Variants in CMPK1 observed in about 807,000 individuals in gnomAD.
CMPK1 encodes the protein UMP-CMP kinase.
Under a neutral mutation model 25.7 loss-of-function variants are expected in CMPK1, and 10 were observed. The ratio of observed to expected loss-of-function variants is 0.39; its 90% CI spans 0.24 to 0.66. The LOEUF (loss-of-function observed/expected upper bound fraction) is 0.66. CMPK1 is among the 30% of genes least tolerant of loss of function. The pLI is 0.48. For synonymous variants in CMPK1, 106 were observed against 101.5 expected (o/e 1.04, Z -0.27); for missense variants, 199 against 280.5 (o/e 0.71, Z 2.08).
At chr1:47,353,238 T>C (rs1646535039) in intron 1 of CMPK1, among the ~76,000 whole-genome samples, 1 of 152,224 alleles carries the variant, frequency 6.6e-6, no homozygotes, top group African/African-American at 2.4e-5. Flanking sequence ...TAGAGCTTCA[T>C]TGAAATATGT....
intron 1 of CMPK1, among the ~76,000 whole-genome samples, chr1:47,340,940 T>A (rs1290023885): frequency 6.6e-6 from 1 of 152,082 alleles, no homozygotes; most frequent in Non-Finnish European, 1.5e-5. Flanking sequence ...CCTGGCAAAT[T>A]TTTTCTTTTT....
At chr1:47,359,891 T>G (rs1457379820) in intron 1 of CMPK1, among the ~76,000 whole-genome samples, 1 of 152,218 alleles carries the variant, frequency 6.6e-6, no homozygotes, top group Non-Finnish European at 1.5e-5. Flanking sequence ...AGATCCATGT[T>G]ACCTTTGCTG....
At chr1:47,364,497 T>C (rs897531809) in intron 1 of CMPK1, among the ~76,000 whole-genome samples, 9 of 151,726 alleles carry the variant, frequency 5.9e-5, no homozygotes, top group Non-Finnish European at 1.2e-4. Context: ...TTTGTATTTT[T>C]AGTAGAGACG....
chr1:47,357,479 A>G (rs1335949407), intron 1 of CMPK1, among the ~76,000 whole-genome samples: 1 of 67,512 alleles, frequency 1.5e-5, no homozygotes, highest in Non-Finnish European at 2.8e-5. Flanking sequence ...GCATTAATGG[A>G]TTCTTTTTTT....
chr1:47,374,074 A>G (rs1439125040), intron 3 of CMPK1, among the ~76,000 whole-genome samples: 3 of 151,760 alleles, frequency 2.0e-5, no homozygotes, highest in Non-Finnish European at 2.9e-5. Flanking sequence ...ATTTTATTTT[A>G]TTTTTTTGAG....
intron 1 of CMPK1, among the ~76,000 whole-genome samples, chr1:47,348,689 T>C (rs1170145467): frequency 6.6e-6 from 1 of 152,214 alleles, no homozygotes; most frequent in Non-Finnish European, 1.5e-5. Context: ...AGCAATTGAA[T>C]ATGCCTAATT....
intron 1 of CMPK1, among the ~76,000 whole-genome samples, chr1:47,361,074 T>TG (rs1475525900): frequency 6.6e-6 from 1 of 152,184 alleles, no homozygotes; most frequent in African/African-American, 2.4e-5. Context: ...ATGTTCATTT[T>TG]GGGGTGGGCT....
At chr1:47,354,115 G>A (rs1429982221) in intron 1 of CMPK1, among the ~76,000 whole-genome samples, 2 of 151,980 alleles carry the variant, frequency 1.3e-5, no homozygotes, top group East Asian at 1.9e-4. Context: ...GCTTGAGCCC[G>A]GAGTTTGAGA....
chr1:47,347,701 C>T lies in CMPK1; in HGVS notation c.171+13585C>T, dbSNP rs150316199. Among the ~76,000 whole-genome samples, 80 of 152,294 alleles carry T rather than the reference C, an allele frequency of 5.3e-4. No homozygotes were observed. The South Asian group carries it at 8.7e-3, about 17-fold the overall frequency. On this transcript the variant is annotated intron_variant, in intron 1 of 5. Transcript: ENST00000371873. ...AGTGCAGTGGTGCAATCTCAGCTCA[C>T]TGCAACCTGTGTCTCCCAGGTTCAA...
intron 1 of CMPK1, among the ~76,000 whole-genome samples, chr1:47,336,968 T>C (rs1411744974): frequency 2.6e-5 from 4 of 152,116 alleles, no homozygotes; most frequent in African/African-American, 4.8e-5. Flanking sequence ...ATACCCATAC[T>C]ACTACACTGG....
rs537439324 is a variant in CMPK1 at position 47,377,058 on chromosome 1, G to A, written c.*313G>A. 4.0e-5 allele frequency: 8 copies of A among 200,868 alleles called. No homozygotes were observed. Among genetic ancestry groups the A allele is most frequent in the South Asian group, 3.6e-4 (2 of 5,512 alleles). The allele number at this position is 200,868 out of a possible 1,614,324, so 12.4% of individuals were successfully genotyped here. On this transcript the variant is annotated 3_prime_UTR_variant, in exon 6 of 6. Transcript: ENST00000371873. ...CTGTGAGCAAAACTTTTTAGTACGC[G>A]TATATATCCCTCTAGTAATCACAAC... is the stretch of plus-strand genomic sequence containing the variant.
chr1:47,347,840 A>G (rs1054054377), intron 1 of CMPK1, among the ~76,000 whole-genome samples: 5 of 152,176 alleles, frequency 3.3e-5, no homozygotes, highest in African/African-American at 1.2e-4. Context: ...CATGTTGGCC[A>G]GGGTGGTCTC....
intron 1 of CMPK1, among the ~76,000 whole-genome samples, chr1:47,348,879 T>C (rs1257999552): frequency 6.6e-6 from 1 of 152,238 alleles, no homozygotes; most frequent in African/African-American, 2.4e-5. Flanking sequence ...TGGTGCCTAC[T>C]GGGAGTATAG....
chr1:47,336,050 C>T (rs1420671865), intron 1 of CMPK1, among the ~76,000 whole-genome samples: 2 of 152,110 alleles, frequency 1.3e-5, no homozygotes, highest in East Asian at 1.9e-4. Context: ...CATGAGCCAC[C>T]GTGCCTGGCC....
intron 1 of CMPK1, among the ~76,000 whole-genome samples, chr1:47,347,719 A>G (rs947092468): frequency 9.9e-5 from 15 of 152,012 alleles, no homozygotes; most frequent in Non-Finnish European, 1.9e-4. Context: ...TGTGTCTCCC[A>G]GGTTCAAGCG....
intron 2 of CMPK1, among the ~76,000 whole-genome samples, chr1:47,371,017 T>G (rs2149334278): frequency 6.6e-6 from 1 of 152,242 alleles, no homozygotes; most frequent in Admixed American, 6.5e-5. Flanking sequence ...CTGTATTTAC[T>G]AGGTAACTCT....
chr1:47,354,710 A>G (rs916173627), intron 1 of CMPK1, among the ~76,000 whole-genome samples: 23 of 144,406 alleles, frequency 1.6e-4, no homozygotes, highest in Admixed American at 1.6e-3. Context: ...AGCCATTCCT[A>G]TATTGGTGGA....
Position 47,334,046 on chromosome 1 carries a change from A to G in CMPK1, c.101A>G (p.Lys34Arg). ...PILLCSPRLM[K>R]PLVVFVLGGP... ...CTCCTCTGCTCTCCACGTCTCATGAAGCCGCTGGTCGTGTTCGTCCTCGGC... is the reference window on the plus strand; with the variant it reads ...CTCCTCTGCTCTCCACGTCTCATGAGGCCGCTGGTCGTGTTCGTCCTCGGC... Residue 34 changes from lysine to arginine, a missense_variant, in exon 1 of 6, where the codon AAG (lysine) becomes AGG (arginine). Lys to Arg is a conservative substitution (Grantham distance 26). Coordinates refer to ENST00000371873, the MANE Select transcript of CMPK1 (RefSeq NM_016308.3). 1 of 1,553,410 alleles carries G rather than the reference A, an allele frequency of 6.4e-7. No individual in the cohort carries two copies. Among genetic ancestry groups the G allele is most frequent in the Non-Finnish European group, 8.7e-7 (1 of 1,149,746 alleles).
intron 1 of CMPK1, among the ~76,000 whole-genome samples, chr1:47,355,856 C>A (rs1557808353): frequency 6.6e-6 from 1 of 152,060 alleles, no homozygotes; most frequent in African/African-American, 2.4e-5. Context: ...TAGCCCACCT[C>A]AGCCTCCCAA....
Sources: gnomAD v4.1 joint callset for allele counts (sites outside exome capture counted in the v4.1 genomes callset) on GRCh38, gnomAD v4.1.1 for gene constraint, MANE v1.5 for transcripts, NCBI Gene and HGNC (gene_info 2026-07-23, HGNC 2026-07-21) for gene names.